The following ACO2 variants were observed in gnomAD, a reference collection of about 807,000 sequenced individuals.
ACO2 encodes the protein aconitate hydratase, mitochondrial.
ACO2 carries 31 observed loss-of-function variants against 84.5 expected under a neutral mutation model. The ratio of observed to expected loss-of-function variants is 0.37; its 90% CI spans 0.28 to 0.50. The LOEUF (loss-of-function observed/expected upper bound fraction) is 0.50. Ranked by LOEUF, ACO2 falls within the 20% of genes least tolerant of loss-of-function variation. The pLI is 0.97. For missense variants in ACO2, 685 were observed against 1,029.3 expected (o/e 0.67, Z 4.58); for synonymous variants, 414 against 412.7 (o/e 1.00, Z -0.04).
chr22:41,515,393 A>C lies in ACO2; in HGVS notation c.542A>C (p.Tyr181Ser). 1 of 1,612,800 alleles carries C rather than the reference A, an allele frequency of 6.2e-7. No individual in the cohort carries two copies. Among genetic ancestry groups the C allele is most frequent in the Non-Finnish European group, 8.5e-7 (1 of 1,179,894 alleles). The change falls in exon 5 of 18, where the codon TAT (tyrosine) becomes TCT (serine). Residue 181 changes from tyrosine (Y) to serine (S), a missense_variant. Tyr to Ser is a moderately radical substitution (Grantham distance 144). Around this residue, in one of 5 missense-constraint regions of ACO2, gnomAD observed 92 missense variants for 203.7 expected, o/e 0.45. Transcript: ENST00000216254. This position sits in a 1 kb window ranked among gnomAD's most constrained non-coding sequence, Gnocchi z 5.8. ...ATTTTTCAGATTATTCTGGAAAACT[A>C]TGCGTACCCTGGTGTTCTTCTGATT... ...GIIHQIILEN[Y>S]AYPGVLLIGT... is the part of the protein sequence containing the mutation.
chr22:41,492,181 G>A (rs565854285), intron 1 of ACO2, among the ~76,000 whole-genome samples: 16 of 152,326 alleles, frequency 1.1e-4, no homozygotes, highest in African/African-American at 3.4e-4. Context: ...TGCTTAATTA[G>A]TAATTTTTAA....
At chr22:41,516,090 G>T in intron 6 of ACO2, 173 bp downstream of exon 6, 1 of 799,970 alleles carries the variant, frequency 1.3e-6, no homozygotes, top group Non-Finnish European at 2.1e-6. Flanking sequence ...AGATTGTCTA[G>T]TCCACATCCT....
Position 41,497,370 on chromosome 22 carries a change from C to T in ACO2, c.37-2356C>T, listed in dbSNP as rs568581453. On this transcript the variant is annotated intron_variant, in intron 1 of 17. Transcript: ENST00000216254. ...AGGTGTGAACCACTGCACCCGGCCT[C>T]TTGCTGTCATTTCTTTGGATTCATT... Among the ~76,000 whole-genome samples the T allele has an allele frequency of 4.6e-5, 7 of 152,010 alleles. No individual in the cohort carries two copies. The East Asian group carries it at 1.2e-3, about 25-fold the overall frequency.
chr22:41,517,386 CG>C, intron 6 of ACO2, 140 bp from the exon 7 acceptor site: 1 of 691,276 alleles, frequency 1.4e-6, no homozygotes, highest in East Asian at 2.8e-5. Flanking sequence ...AGGGATGAGT[CG>C]GCCCGCTGTC....
intron 2 of ACO2, among the ~76,000 whole-genome samples, chr22:41,502,726 A>G (rs1293452369): frequency 1.3e-5 from 2 of 152,166 alleles, no homozygotes; most frequent in Non-Finnish European, 2.9e-5. Flanking sequence ...GTCCTGCCTC[A>G]GCCTCCTGAG....
intron 3 of ACO2, 73 bp from the exon 4 acceptor site, chr22:41,511,803 G>A: frequency 9.1e-7 from 1 of 1,098,526 alleles, no homozygotes. Flanking sequence ...CTGATGGGGT[G>A]GGGAGGGCTT....
chr22:41,524,011 C>T (rs1045880408), intron 12 of ACO2, 70 bp downstream of exon 12: 17 of 1,382,716 alleles, frequency 1.2e-5, no homozygotes, highest in Non-Finnish European at 1.6e-5. Flanking sequence ...GAGGAGGAGG[C>T]AGAAGGAGAT....
intron 1 of ACO2, among the ~76,000 whole-genome samples, chr22:41,481,520 G>A (rs532603518): frequency 3.9e-5 from 6 of 152,208 alleles, no homozygotes; most frequent in South Asian, 2.1e-4. Context: ...AGTCCGTTTC[G>A]ATTGTAGTAT....
Position 41,524,588 on chromosome 22 carries a change from G to C in ACO2, c.1483-258G>C, listed in dbSNP as rs544787355. Among the ~76,000 whole-genome samples, 13 of 152,384 alleles carry C rather than the reference G, an allele frequency of 8.5e-5. No individual in the cohort carries two copies. In the South Asian group the frequency reaches 2.5e-3, roughly 29 times the overall value. On this transcript the variant is annotated intron_variant, in intron 12 of 17. Coordinates refer to ENST00000216254, the MANE Select transcript of ACO2 (RefSeq NM_001098.3). The stretch of plus-strand genomic sequence containing the variant: ...TCCCTCCAGGATAGCTGTGAGGAGA[G>C]AGAACAGCACTGCCGGCCCGGCCCT...
intron 3 of ACO2, among the ~76,000 whole-genome samples, chr22:41,510,041 G>A (rs2066423306): frequency 6.6e-6 from 1 of 152,062 alleles, no homozygotes; most frequent in East Asian, 1.9e-4. Context: ...TCACCACGTT[G>A]GCCAGGCTGG....
At chr22:41,526,488 C>T in intron 15 of ACO2, 35 bp downstream of exon 15, 2 of 1,593,706 alleles carry the variant, frequency 1.3e-6, no homozygotes, top group Non-Finnish European at 8.6e-7. Context: ...TGCCAGTGGT[C>T]ACTCCTGAAG....
intron 1 of ACO2, among the ~76,000 whole-genome samples, chr22:41,494,953 C>T (rs1001510189): frequency 5.9e-5 from 9 of 151,498 alleles, no homozygotes; most frequent in Non-Finnish European, 1.3e-4. Flanking sequence ...AGGCTGGTCT[C>T]GAACTCCTGA....
intron 7 of ACO2, 125 bp downstream of exon 7, chr22:41,517,756 A>G (rs1366938305): frequency 2.5e-6 from 2 of 800,182 alleles, no homozygotes; most frequent in African/African-American, 3.4e-5. Context: ...CAGGCGTCCG[A>G]GGCTCTGAGA....
At chr22:41,488,928 C>A (rs1013571467) in intron 1 of ACO2, among the ~76,000 whole-genome samples, 20 of 152,074 alleles carry the variant, frequency 1.3e-4, no homozygotes, top group African/African-American at 4.8e-4. Flanking sequence ...ATGCTTAGGC[C>A]CTACTGCAGG....
chr22:41,526,676 TAGTG>T (rs1392351289), intron 15 of ACO2: 8 of 501,470 alleles, frequency 1.6e-5, no homozygotes, highest in East Asian at 3.1e-5. Context: ...CAGGAGGAGT[TAGTG>T]AGAGATATCT....
At position 41,474,875 on chromosome 22, in the gene ACO2, AG is replaced by A. The variant is rs2037993889; in HGVS notation, c.36+5695del. Among the ~76,000 whole-genome samples, 12 of 152,258 alleles carry A rather than the reference AG, an allele frequency of 7.9e-5. 1 individual carries two copies. The South Asian group carries it at 2.3e-3, about 29-fold the overall frequency. On this transcript the variant is annotated intron_variant, in intron 1 of 17. Transcript: ENST00000216254. ...CGGCCTCCCAAAGTGCTGGGATTAC[AG>A]GCGTGAGCCACTGCACCCGGCCTGC...
chr22:41,520,843 G>GA (rs148408618), intron 9 of ACO2, among the ~76,000 whole-genome samples: 15,476 of 127,798 alleles, frequency 0.12, 2,154 homozygotes, highest in East Asian at 0.5. Flanking sequence ...CTCCGTCTCA[G>GA]AAAAAAAAAA....
In ACO2 at chr22:41,528,621, G is replaced by A. The variant is rs1297390875; in HGVS notation, c.*8G>A. ...AAGGAACTGCAACAGTGAGGGCAGT[G>A]CCTCCCCGCCCCGCCGCTGGCGTCA... On this transcript the variant is annotated 3_prime_UTR_variant, in exon 18 of 18. Transcript: ENST00000216254. 1 of 1,545,952 alleles carries A rather than the reference G, an allele frequency of 6.5e-7. No homozygotes were observed. The highest frequency in any genetic ancestry group is 8.7e-7 in the Non-Finnish European group (1 of 1,150,608).
intron 8 of ACO2, 77 bp downstream of exon 8, chr22:41,518,649 C>A (rs981357655): frequency 1.7e-6 from 2 of 1,161,972 alleles, no homozygotes; most frequent in Non-Finnish European, 1.3e-6. Flanking sequence ...TAAATACTCA[C>A]TGAGGGCCGG....
Sources: gnomAD v4.1 joint callset for allele counts (sites outside exome capture counted in the v4.1 genomes callset) on GRCh38, gnomAD v4.1.1 for gene constraint, gnomAD v4.1.1 regional missense constraint, Gnocchi (gnomAD v3.1) non-coding constraint, MANE v1.5 for transcripts, NCBI Gene and HGNC (gene_info 2026-07-23, HGNC 2026-07-21) for gene names.